The following ADNP2 variants were observed in gnomAD, a reference collection of about 807,000 sequenced individuals.
The protein encoded by ADNP2 is ADNP homeobox 2, also known as activity-dependent neuroprotector homeobox protein 2.
ADNP2 carries 8 observed loss-of-function variants against 16.4 expected under a neutral mutation model. The observed-to-expected ratio is 0.49, with a 90% CI of 0.29 to 0.88. The LOEUF is 0.88. Ranked by LOEUF, ADNP2 falls within the 40% of genes least tolerant of loss-of-function variation. The pLI is 0.09. For missense variants in ADNP2, 1,397 were observed against 1,395.1 expected (o/e 1.00, Z -0.02); for synonymous variants, 637 against 545.8 (o/e 1.17, Z -2.33).
At chr18:80,127,885 A>C (rs1273960735) in intron 2 of ADNP2, among the ~76,000 whole-genome samples, 3 of 152,064 alleles carry the variant, frequency 2.0e-5, no homozygotes, top group Non-Finnish European at 4.4e-5. Flanking sequence ...TTCTCCTTTC[A>C]CTAGTTCCCA....
Position 80,137,324 on chromosome 18 carries a change from C to T in ADNP2, c.1911C>T (p.Pro637=). 6.2e-7 allele frequency: 1 copy of T among 1,614,010 alleles called. No individual in the cohort carries two copies. Among genetic ancestry groups the T allele is most frequent in the Non-Finnish European group, 8.5e-7 (1 of 1,179,926 alleles). ...PPGGLATVAP[P]QMPIQLLPSG... ...GAGGCCTTGCGACTGTCGCTCCGCC[C>T]CAGATGCCCATCCAGCTCCTGCCGT... The change falls in exon 4 of 4, where the codon CCC becomes CCT. Residue 637 remains proline, a synonymous_variant. Transcript: ENST00000262198. The surrounding 1 kb of genome is among the most constrained non-coding windows in gnomAD (Gnocchi z 4.2).
At position 80,138,729 on chromosome 18, in the gene ADNP2, A is replaced by G. The variant is rs1033127081; in HGVS notation, c.3316A>G (p.Lys1106Glu). 1.8e-5 allele frequency: 29 copies of G among 1,608,724 alleles called. No individual in the cohort carries two copies. In the Admixed American group the frequency reaches 4.7e-4, roughly 26 times the overall value. Residue 1106 changes from lysine to glutamate, a missense_variant, in exon 4 of 4, where the codon AAG (lysine) becomes GAG (glutamate). Physicochemically the swap from Lys to Glu is moderately conservative, Grantham distance 56 (BLOSUM62 1). This residue lies in a region of ADNP2 where 611 missense variants were observed against 648.7 expected (regional missense o/e 0.94). Coordinates refer to ENST00000262198, the MANE Select transcript of ADNP2 (RefSeq NM_014913.4). ...TTGCATGAAAGCAATAAAAAATCAC[A>G]AGCCTTCTGTACTTTTAGGCTTTGA... is the stretch of plus-strand genomic sequence containing the variant. ...YICMKAIKNH[K>E]PSVLLGFDMS... is the part of the protein sequence containing the mutation.
chr18:80,135,473 A>G (rs2052525596), intron 3 of ADNP2, 139 bp from the exon 4 acceptor site: 3 of 904,748 alleles, frequency 3.3e-6, no homozygotes, highest in African/African-American at 1.7e-5. Context: ...AAGTTTGCCA[A>G]CCCCTGGGTT....
rs2052535266 is a variant in ADNP2 at position 80,136,421 on chromosome 18, C to T, written c.1008C>T (p.Ser336=). 6.2e-7 allele frequency: 1 copy of T among 1,614,192 alleles called. No individual in the cohort carries two copies. The highest frequency in any genetic ancestry group is 8.5e-7 in the Non-Finnish European group (1 of 1,180,008). The part of the protein sequence containing the change: ...AGQSHMTLVS[S]PLPVGQNSLT... ...AATCCCACATGACTCTGGTCTCCAGCCCTCTGCCTGTGGGCCAGAACAGCC... is the reference window on the plus strand; with the variant it reads ...AATCCCACATGACTCTGGTCTCCAGTCCTCTGCCTGTGGGCCAGAACAGCC... Residue 336 remains serine, a synonymous_variant, in exon 4 of 4, where the codon AGC becomes AGT. Coordinates refer to ENST00000262198, the MANE Select transcript of ADNP2 (RefSeq NM_014913.4).
At position 80,138,220 on chromosome 18, in the gene ADNP2, T is replaced by G; in HGVS notation, c.2807T>G (p.Val936Gly). 3.1e-6 allele frequency: 5 copies of G among 1,614,144 alleles called. No individual in the cohort carries two copies. The highest frequency in any genetic ancestry group is 4.2e-6 in the Non-Finnish European group (5 of 1,180,036). The change falls in exon 4 of 4, where the codon GTG becomes GGG. Residue 936 changes from valine to glycine, a missense_variant. Coordinates refer to ENST00000262198, the MANE Select transcript of ADNP2 (RefSeq NM_014913.4). ...CTGGCTGCCATCGCCGTCCATTTGG[T>G]GCGCTGCAGAAGTGCTCCCAAGGAC... ...MTLAAIAVHL[V>G]RCRSAPKDSS...
At chr18:80,114,202 A>G (rs1229134337) in intron 1 of ADNP2, among the ~76,000 whole-genome samples, 1 of 151,904 alleles carries the variant, frequency 6.6e-6, no homozygotes, top group Non-Finnish European at 1.5e-5. Context: ...CAAAAAAAAA[A>G]AAAGAAAAAA....
chr18:80,134,738 A>G (rs2052521040), intron 3 of ADNP2, among the ~76,000 whole-genome samples: 1 of 152,182 alleles, frequency 6.6e-6, no homozygotes, highest in Non-Finnish European at 1.5e-5. Context: ...TGTGCTTTAA[A>G]TAGAAATCCC....
chr18:80,125,736 A>G (rs2052454466), intron 2 of ADNP2, among the ~76,000 whole-genome samples: 1 of 152,158 alleles, frequency 6.6e-6, no homozygotes, highest in Admixed American at 6.5e-5. Context: ...CCTTGAGCCC[A>G]GGAGTTCAAG....
rs2052563013 is a variant in ADNP2, at chr18:80,138,911, G to A, written c.*102G>A. The A allele has an allele frequency of 1.8e-6, 2 of 1,108,938 alleles. No individual in the cohort carries two copies. The highest frequency in any genetic ancestry group is 2.5e-6 in the Non-Finnish European group (2 of 809,770). The allele number at this position is 1,108,938 out of a possible 1,614,324, so 68.7% of individuals were successfully genotyped here. Reference sequence around the variant, plus strand: ...TCACTGTGTTGGTGAATCAACCTCAGTGGTCACTGTGCTGCTCTGCAGAGT... The same window carrying A: ...TCACTGTGTTGGTGAATCAACCTCAATGGTCACTGTGCTGCTCTGCAGAGT... On this transcript the variant is annotated 3_prime_UTR_variant, in exon 4 of 4. Transcript: ENST00000262198.
At chr18:80,121,979 T>C (rs1476901000) in intron 2 of ADNP2, among the ~76,000 whole-genome samples, 3 of 152,064 alleles carry the variant, frequency 2.0e-5, no homozygotes, top group African/African-American at 7.2e-5. Flanking sequence ...TGCAGTGACA[T>C]GATCTTGGCT....
At chr18:80,125,439 C>T (rs111288310) in intron 2 of ADNP2, among the ~76,000 whole-genome samples, 22 of 152,196 alleles carry the variant, frequency 1.4e-4, no homozygotes, top group Admixed American at 3.9e-4. Context: ...GTCAGGAGAT[C>T]GAGACCATTC....
intron 1 of ADNP2, among the ~76,000 whole-genome samples, chr18:80,110,447 G>A (rs1197423032): frequency 6.6e-6 from 1 of 152,264 alleles, no homozygotes; most frequent in Non-Finnish European, 1.5e-5. Context: ...AAACTGGTAA[G>A]CAGGTAACTG....
In ADNP2 at chr18:80,137,807, G is replaced by C; in HGVS notation, c.2394G>C (p.Lys798Asn). 6.2e-7 allele frequency: 1 copy of C among 1,614,168 alleles called. No homozygotes were observed. Among genetic ancestry groups the C allele is most frequent in the East Asian group, 2.2e-5 (1 of 44,890 alleles). Residue 798 changes from lysine (K) to asparagine (N), a missense_variant, in exon 4 of 4, where the codon AAG (lysine) becomes AAC (asparagine). Physicochemically the swap from Lys to Asn is moderately conservative, Grantham distance 94. This residue lies in a region of ADNP2 where 611 missense variants were observed against 648.7 expected (regional missense o/e 0.94). Coordinates refer to ENST00000262198, the MANE Select transcript of ADNP2 (RefSeq NM_014913.4). The surrounding 1 kb of genome is among the most constrained non-coding windows in gnomAD (Gnocchi z 4.2). ...GGAATAGGCACCTGGGGAAGAAGAA[G>C]TTGCCTATGGATTATAGCAACAGAG... is the stretch of plus-strand genomic sequence containing the variant. ...HSRNRHLGKK[K>N]LPMDYSNRGF...
chr18:80,122,666 A>C (rs867527109), intron 2 of ADNP2, among the ~76,000 whole-genome samples: 3 of 152,164 alleles, frequency 2.0e-5, no homozygotes, highest in Non-Finnish European at 2.9e-5. Context: ...TTGTGTATTG[A>C]TCTTGAATCA....
chr18:80,116,159 A>G (rs1039716654), intron 1 of ADNP2, among the ~76,000 whole-genome samples: 5 of 152,216 alleles, frequency 3.3e-5, no homozygotes, highest in Admixed American at 1.3e-4. Flanking sequence ...TCTTTTACTT[A>G]GCATATTTCC....
At chr18:80,116,749 C>T (rs1440565281) in intron 1 of ADNP2, among the ~76,000 whole-genome samples, 1 of 152,182 alleles carries the variant, frequency 6.6e-6, no homozygotes, top group Non-Finnish European at 1.5e-5. Flanking sequence ...GATCCCCTCA[C>T]CTCAGCCTCC....
rs1046744906 is a variant in ADNP2 at position 80,117,464 on chromosome 18, CA to C, written c.-13-60del. On this transcript the variant is annotated intron_variant, in intron 1 of 3. Coordinates refer to ENST00000262198, the MANE Select transcript of ADNP2 (RefSeq NM_014913.4). ...ATTCCTAGTGTTTTACCAACCCTGTCAAAAAATGTATTTTTGTGTATTATAT... is the reference window on the plus strand; with the variant it reads ...ATTCCTAGTGTTTTACCAACCCTGTCAAAAATGTATTTTTGTGTATTATAT... 20 of 992,820 alleles carry C rather than the reference CA, an allele frequency of 2.0e-5. 1 individual carries two copies. In the African/African-American group the frequency reaches 2.5e-4, roughly 13 times the overall value. The allele number at this position is 992,820 out of a possible 1,614,324, so 61.5% of individuals were successfully genotyped here.
chr18:80,124,467 A>G (rs2052445322), intron 2 of ADNP2, among the ~76,000 whole-genome samples: 1 of 152,232 alleles, frequency 6.6e-6, no homozygotes, highest in African/African-American at 2.4e-5. Flanking sequence ...AGGATGTTAT[A>G]AAGAATCACA....
chr18:80,132,642 TTCTC>T lies in ADNP2; in HGVS notation c.109-454_109-451del, dbSNP rs759533361. Among the ~76,000 whole-genome samples, 6 of 149,412 alleles carry T rather than the reference TTCTC, an allele frequency of 4.0e-5. No individual in the cohort carries two copies. The East Asian group carries it at 9.7e-4, about 24-fold the overall frequency. On this transcript the variant is annotated intron_variant, in intron 2 of 3. Transcript: ENST00000262198. The stretch of plus-strand genomic sequence containing the variant: ...TTCTTTTTTCTCTTTCTCTCTTTTT[TTCTC>T]TCTCTCACTCTCTCCTCTCTCCCCT...
Sources: allele counts gnomAD v4.1 joint callset (sites outside exome capture counted in the v4.1 genomes callset), GRCh38; gene constraint gnomAD v4.1.1; regional missense constraint gnomAD v4.1.1; non-coding constraint Gnocchi (gnomAD v3.1); transcripts MANE v1.5; gene names NCBI Gene and HGNC (gene_info 2026-07-23, HGNC 2026-07-21).